The following ASIC2 variants were observed in gnomAD, a reference collection of about 807,000 sequenced individuals.
ASIC2 encodes the protein acid-sensing ion channel 2.
In ASIC2, 25 loss-of-function variants were observed where a neutral mutation model predicts 57.3. The observed-to-expected ratio is 0.44, with a 90% CI of 0.32 to 0.61. The LOEUF (loss-of-function observed/expected upper bound fraction) is 0.61, where lower values mean the gene tolerates loss of function less well. Ranked by LOEUF, ASIC2 falls within the 20% of genes least tolerant of loss-of-function variation. The pLI, the probability that ASIC2 is intolerant of heterozygous loss-of-function variation, is 0.06. For missense variants in ASIC2, 641 were observed against 738.1 expected, an observed-to-expected ratio of 0.87 and a Z score of 1.52; for synonymous variants, 319 against 307.5, an observed-to-expected ratio of 1.04 and a Z score of -0.39.
intron 1 of ASIC2, among the ~76,000 whole-genome samples, chr17:33,872,847 G>A (rs928773792): frequency 1.8e-4 from 27 of 152,154 alleles, no homozygotes; most frequent in Non-Finnish European, 1.0e-4. Context: ...GAGCAATGCA[G>A]CCATAAGGCA....
At chr17:34,085,926 T>C (rs1180902078) in intron 1 of ASIC2, among the ~76,000 whole-genome samples, 2 of 151,854 alleles carry the variant, frequency 1.3e-5, no homozygotes, top group Non-Finnish European at 2.9e-5. Flanking sequence ...GATTCTTCTC[T>C]CGTTTTTTCT....
chr17:33,308,267 G>A (rs577762175), intron 1 of ASIC2, among the ~76,000 whole-genome samples: 2 of 152,156 alleles, frequency 1.3e-5, no homozygotes, highest in Non-Finnish European at 2.9e-5. Context: ...CAATGACCAT[G>A]CATGATTCCT....
In ASIC2 at chr17:33,820,808, C is replaced by G. The variant is rs190752789; in HGVS notation, c.555+335170G>C. On this transcript the variant is annotated intron_variant, in intron 1 of 9. Transcript: ENST00000359872. ...CCTCTTACCTCAGCCTTCCAAGTAGCTGGGACTACTGGTGCGTGTCATCAT... is the reference window on the plus strand; with the variant it reads ...CCTCTTACCTCAGCCTTCCAAGTAGGTGGGACTACTGGTGCGTGTCATCAT... Among the ~76,000 whole-genome samples the G allele has an allele frequency of 3.3e-3, 498 of 152,312 alleles. 1 individual carries two copies. The highest frequency in any genetic ancestry group is 6.2e-3 in the Admixed American group (95 of 15,292).
At chr17:33,512,300 G>T (rs562130193) in intron 1 of ASIC2, among the ~76,000 whole-genome samples, 1 of 152,290 alleles carries the variant, frequency 6.6e-6, no homozygotes, top group African/African-American at 2.4e-5. Flanking sequence ...TGGAAGAATT[G>T]GCAAAACATG....
At chr17:33,961,415 A>G (rs1284241080) in intron 1 of ASIC2, among the ~76,000 whole-genome samples, 1 of 152,218 alleles carries the variant, frequency 6.6e-6, no homozygotes, top group Non-Finnish European at 1.5e-5. Context: ...GGAGGCTAGA[A>G]TAGAGCAGAG....
intron 1 of ASIC2, among the ~76,000 whole-genome samples, chr17:33,179,822 T>C (rs1413561317): frequency 6.6e-6 from 1 of 152,222 alleles, no homozygotes; most frequent in African/African-American, 2.4e-5. Flanking sequence ...TTCTAACGTA[T>C]CATTGTGGGT....
At chr17:33,914,068 C>A (rs778615904) in intron 1 of ASIC2, among the ~76,000 whole-genome samples, 1 of 152,096 alleles carries the variant, frequency 6.6e-6, no homozygotes, top group Non-Finnish European at 1.5e-5. Context: ...GGAAAGGGGG[C>A]GTAGAGTAGA....
At chr17:33,649,800 G>T (rs1906861221) in intron 1 of ASIC2, among the ~76,000 whole-genome samples, 1 of 152,158 alleles carries the variant, frequency 6.6e-6, no homozygotes. Flanking sequence ...AACAAATGAT[G>T]CTGGAGCAAG....
chr17:33,996,801 C>T (rs1906175325), intron 1 of ASIC2, among the ~76,000 whole-genome samples: 1 of 152,128 alleles, frequency 6.6e-6, no homozygotes, highest in African/African-American at 2.4e-5. Flanking sequence ...AGGCCTCTGG[C>T]TTTGTATTTC....
intron 1 of ASIC2, among the ~76,000 whole-genome samples, chr17:33,220,175 C>T (rs1194600691): frequency 6.6e-6 from 1 of 152,182 alleles, no homozygotes; most frequent in Non-Finnish European, 1.5e-5. Flanking sequence ...TTGCCCCACC[C>T]TGGCCTCCCC....
At chr17:33,323,048 C>T (rs1300842776) in intron 1 of ASIC2, among the ~76,000 whole-genome samples, 1 of 152,154 alleles carries the variant, frequency 6.6e-6, no homozygotes, top group Admixed American at 6.5e-5. Flanking sequence ...AATAATTTAA[C>T]AAACAAGACA....
intron 1 of ASIC2, among the ~76,000 whole-genome samples, chr17:33,800,121 G>T (rs905095110): frequency 2.6e-5 from 4 of 152,028 alleles, no homozygotes; most frequent in East Asian, 1.9e-4. Flanking sequence ...ATACCCCATT[G>T]CCTCTTCAGC....
intron 1 of ASIC2, among the ~76,000 whole-genome samples, chr17:34,126,061 G>T (rs1487202830): frequency 6.6e-6 from 1 of 152,126 alleles, no homozygotes; most frequent in African/African-American, 2.4e-5. Context: ...GGTTACCTTG[G>T]GTAGGCACAT....
At position 33,350,629 on chromosome 17, in the gene ASIC2, C is replaced by T. The variant is rs552503216; in HGVS notation, c.556-238562G>A. On this transcript the variant is annotated intron_variant, in intron 1 of 9. Transcript: ENST00000359872. ...CCCGGGAAGCAGAGGTTGCAGTGAG[C>T]CAAGATTGCACCACTGCACTCCAGT... is the stretch of plus-strand genomic sequence containing the variant. Among the ~76,000 whole-genome samples, 275 of 147,584 alleles carry T rather than the reference C, an allele frequency of 1.9e-3. 1 individual carries two copies. Among genetic ancestry groups the T allele is most frequent in the Middle Eastern group, 0.014 (4 of 290 alleles).
chr17:33,668,968 C>T (rs950101838), intron 1 of ASIC2, among the ~76,000 whole-genome samples: 12 of 152,328 alleles, frequency 7.9e-5, no homozygotes, highest in African/African-American at 2.9e-4. Context: ...CACTAGGCAG[C>T]CTTCTGAACT....
chr17:33,191,174 A>T (rs1906404057), intron 1 of ASIC2, among the ~76,000 whole-genome samples: 1 of 152,226 alleles, frequency 6.6e-6, no homozygotes, highest in African/African-American at 2.4e-5. Flanking sequence ...GACACATACA[A>T]CAACATGGAG....
intron 1 of ASIC2, among the ~76,000 whole-genome samples, chr17:33,285,075 A>G (rs1399943969): frequency 6.6e-6 from 1 of 152,210 alleles, no homozygotes; most frequent in African/African-American, 2.4e-5. Flanking sequence ...TAGTTCATCC[A>G]AGCAAATCAC....
At chr17:33,908,013 T>C (rs1915386574) in intron 1 of ASIC2, among the ~76,000 whole-genome samples, 1 of 152,190 alleles carries the variant, frequency 6.6e-6, no homozygotes, top group Admixed American at 6.5e-5. Flanking sequence ...TCACAGTACA[T>C]AACACTAGCA....
chr17:33,708,820 T>A lies in ASIC2; in HGVS notation c.555+447158A>T, dbSNP rs192065111. On this transcript the variant is annotated intron_variant, in intron 1 of 9. Transcript: ENST00000359872. ...CTCCTTCTCTTCAAGATCTCAATGA[T>A]CCTTTACCCAACTCTGACTCCCTTC... Among the ~76,000 whole-genome samples the A allele has an allele frequency of 3.9e-5, 6 of 152,282 alleles. No individual in the cohort carries two copies. In the East Asian group the frequency reaches 9.7e-4, roughly 25 times the overall value.
Sources: allele counts gnomAD v4.1 joint callset (sites outside exome capture counted in the v4.1 genomes callset), GRCh38; gene constraint gnomAD v4.1.1; transcripts MANE v1.5; gene names NCBI Gene and HGNC (gene_info 2026-07-23, HGNC 2026-07-21).